PTPN21: variants seen among roughly 807,000 people sequenced by gnomAD.
PTPN21 encodes tyrosine-protein phosphatase non-receptor type 21.
PTPN21 carries 77 observed loss-of-function variants against 131.8 expected under a neutral mutation model. The observed-to-expected ratio is 0.58, with a 90% confidence interval of 0.49 to 0.71. The LOEUF (loss-of-function observed/expected upper bound fraction) is 0.71. PTPN21 is among the 30% of genes least tolerant of loss of function. The pLI is 0.00. For synonymous variants in PTPN21, 715 were observed against 621.3 expected (o/e 1.15, Z -2.24); for missense variants, 1,552 against 1,527.1 (o/e 1.02, Z -0.27).
chr14:88,489,959 T>A (rs1466564153), intron 10 of PTPN21, among the ~76,000 whole-genome samples: 1 of 151,352 alleles, frequency 6.6e-6, no homozygotes, highest in Non-Finnish European at 1.5e-5. Flanking sequence ...GAAGGAATAC[T>A]GATGGAGGGA....
intron 2 of PTPN21, among the ~76,000 whole-genome samples, chr14:88,523,762 C>A (rs1017316385): frequency 2.7e-5 from 4 of 150,308 alleles, no homozygotes; most frequent in African/African-American, 9.8e-5. Flanking sequence ...CACACCCCTG[C>A]CCTACTCGAG....
chr14:88,480,321 G>A lies in PTPN21; in HGVS notation c.1110C>T (p.Tyr370=), dbSNP rs573546142. The change falls in exon 13 of 19, where the codon TAC becomes TAT. Residue 370 remains tyrosine (Y), a synonymous_variant. Coordinates refer to ENST00000556564, the MANE Select transcript of PTPN21 (RefSeq NM_007039.4). The part of the protein sequence containing the change: ...DNLFVPNQNG[Y]YCHSQTSLDR... The stretch of plus-strand genomic sequence containing the variant: ...CCAAGCTTGTCTGAGAGTGACAGTA[G>A]TATCCGTTCTGGTTGGGCACAAAGA... 7 of 1,613,884 alleles carry A rather than the reference G, an allele frequency of 4.3e-6. No individual in the cohort carries two copies. Among genetic ancestry groups the A allele is most frequent in the South Asian group, 1.1e-5 (1 of 91,070 alleles).
chr14:88,477,446 TAAAA>T lies in PTPN21; in HGVS notation c.2511+1470_2511+1473del, dbSNP rs59381948. 2.9e-3 allele frequency among the ~76,000 whole-genome samples: 218 copies of T among 76,378 alleles called. 3 individuals are homozygous for T. Among genetic ancestry groups the T allele is most frequent in the African/African-American group, 9.2e-3 (205 of 22,258 alleles). 50.1% of individuals were successfully genotyped at this position (76,378 alleles called of 152,430 possible). A position where few individuals can be genotyped will look rare whatever the true frequency, so the allele number is the denominator to read the frequency against. On this transcript the variant is annotated intron_variant, in intron 13 of 18. Coordinates refer to ENST00000556564, the MANE Select transcript of PTPN21 (RefSeq NM_007039.4). The stretch of plus-strand genomic sequence containing the variant: ...CCTGGGCAACAGGGCAAGACTGTTC[TAAAA>T]AAAAAAAAAAAAAAAAAAAAGCAAA...
chr14:88,514,055 T>C (rs1362157178), intron 3 of PTPN21: 1 of 152,260 alleles, frequency 6.6e-6, no homozygotes, highest in South Asian at 2.1e-4. Flanking sequence ...TAGAATGTGT[T>C]ATAGCTAGAA....
intron 3 of PTPN21, chr14:88,515,071 G>T (rs990278688): frequency 1.3e-5 from 2 of 152,134 alleles, no homozygotes; most frequent in Admixed American, 6.5e-5. Context: ...CTAGTGCATG[G>T]GAAGGATGCG....
At chr14:88,468,701 GCTTT>G (rs913005491) in intron 18 of PTPN21, among the ~76,000 whole-genome samples, 2 of 152,154 alleles carry the variant, frequency 1.3e-5, no homozygotes, top group Non-Finnish European at 2.9e-5. Context: ...AAATTAAACA[GCTTT>G]ATTTATCGTA....
chr14:88,538,171 A>T (rs1231376892), intron 2 of PTPN21, among the ~76,000 whole-genome samples: 4 of 152,240 alleles, frequency 2.6e-5, no homozygotes, highest in Admixed American at 2.6e-4. Flanking sequence ...CGACCCACAT[A>T]ACCAAAGATA....
Position 88,517,220 on chromosome 14 carries a change from C to A in PTPN21, c.222G>T (p.Gln74His), listed in dbSNP as rs1158493270. ...FSLWYYNKQN[Q>H]RRWVDLEKPL... ...GTTTTTCCAAATCTACCCACCGGCG[C>A]TGATTTTGCTTGTTGTAGTACCAGA... Residue 74 changes from glutamine (Q) to histidine (H), a missense_variant, in exon 3 of 19, where the codon CAG (glutamine) becomes CAT (histidine). By Grantham distance (24) the Gln-to-His change is conservative (BLOSUM62 0). Transcript: ENST00000556564. The A allele has an allele frequency of 6.2e-7, 1 of 1,614,112 alleles. No homozygotes were observed. Among genetic ancestry groups the A allele is most frequent in the Admixed American group, 1.7e-5 (1 of 60,018 alleles).
At position 88,478,936 on chromosome 14, in the gene PTPN21, CCTTCCACGATGTT is replaced by C. The variant is rs1566811275; in HGVS notation, c.2482_2494del (p.Asn828GlyfsTer5). 1 of 1,508,636 alleles carries C rather than the reference CCTTCCACGATGTT, an allele frequency of 6.6e-7. No individual in the cohort carries two copies. The highest frequency in any genetic ancestry group is 8.9e-7 in the Non-Finnish European group (1 of 1,129,742). The allele number at this position is 1,508,636 out of a possible 1,614,324, so 93.5% of individuals were successfully genotyped here. A position where few individuals can be genotyped will look rare whatever the true frequency, so the allele number is the denominator to read the frequency against. The stretch of plus-strand genomic sequence containing the variant: ...GTGGCTTACCCCTAGAGGCGGGAGC[CCTTCCACGATGTT>C]CTTCTTCCCAGAGAGAAGGTCCGAC... On this transcript the variant is annotated frameshift_variant, in exon 13 of 19. Coordinates refer to ENST00000556564, the MANE Select transcript of PTPN21 (RefSeq NM_007039.4). LOFTEE classifies it high-confidence loss of function.
intron 12 of PTPN21, among the ~76,000 whole-genome samples, chr14:88,484,213 A>ATT (rs58568578): frequency 1.7e-3 from 149 of 88,920 alleles, no homozygotes; most frequent in African/African-American, 2.3e-3. Flanking sequence ...ACGCCCAGCT[A>ATT]TTTTTTTTTT....
chr14:88,533,643 G>A (rs986859602), intron 2 of PTPN21, among the ~76,000 whole-genome samples: 3 of 152,166 alleles, frequency 2.0e-5, no homozygotes, highest in Non-Finnish European at 4.4e-5. Context: ...AGTGCTTTGG[G>A]AGACTGAGGC....
chr14:88,540,388 TCTTA>T (rs2078688878), intron 2 of PTPN21, among the ~76,000 whole-genome samples: 1 of 152,212 alleles, frequency 6.6e-6, no homozygotes, highest in South Asian at 2.1e-4. Flanking sequence ...GAGCTATCAT[TCTTA>T]CTATTACATG....
chr14:88,513,515 GTA>G (rs1331073329), intron 3 of PTPN21: 1 of 152,240 alleles, frequency 6.6e-6, no homozygotes, highest in African/African-American at 2.4e-5. Context: ...TGCAGTGGTA[GTA>G]TCATAGCCAG....
At chr14:88,509,417 T>A (rs941375413) in intron 3 of PTPN21, among the ~76,000 whole-genome samples, 1 of 152,200 alleles carries the variant, frequency 6.6e-6, no homozygotes, top group Non-Finnish European at 1.5e-5. Flanking sequence ...TGAGTCTTTA[T>A]CATCTTATTT....
At chr14:88,497,422 C>A in intron 8 of PTPN21, 132 bp from the exon 9 acceptor site, 2 of 709,718 alleles carry the variant, frequency 2.8e-6, no homozygotes, top group Admixed American at 2.8e-5. Context: ...AAACAAAAAA[C>A]AAAAAACACG....
intron 9 of PTPN21, among the ~76,000 whole-genome samples, chr14:88,496,853 AAAGC>A (rs2140124305): frequency 6.6e-6 from 1 of 152,372 alleles, no homozygotes; most frequent in African/African-American, 2.4e-5. Flanking sequence ...CAAGAGAGCA[AAAGC>A]AAGTAACTGT....
intron 3 of PTPN21, among the ~76,000 whole-genome samples, chr14:88,509,346 C>T (rs1422229231): frequency 6.6e-6 from 1 of 152,166 alleles, no homozygotes; most frequent in African/African-American, 2.4e-5. Flanking sequence ...CTGTGAAGTG[C>T]AACCCAGTTA....
intron 13 of PTPN21, chr14:88,474,055 T>C (rs1324132740): frequency 9.4e-6 from 3 of 320,392 alleles, no homozygotes; most frequent in Non-Finnish European, 1.7e-5. Flanking sequence ...CAAAGTTCTG[T>C]TGTAATGAAA....
chr14:88,470,192 TAAGGA>T (rs1595336922), intron 15 of PTPN21, 142 bp from the exon 16 acceptor site: 1 of 725,844 alleles, frequency 1.4e-6, no homozygotes, highest in East Asian at 2.7e-5. Context: ...TTCAGCAGAA[TAAGGA>T]AAGACTTTTC....
Sources: allele counts gnomAD v4.1 joint callset (sites outside exome capture counted in the v4.1 genomes callset), GRCh38; gene constraint gnomAD v4.1.1; transcripts MANE v1.5; gene names NCBI Gene and HGNC (gene_info 2026-07-23, HGNC 2026-07-21).